ZDHHC15: variants seen among roughly 807,000 people sequenced by gnomAD.
The protein encoded by ZDHHC15 is zDHHC palmitoyltransferase 15.
Under a neutral mutation model 31.7 loss-of-function variants are expected in ZDHHC15, and 19 were observed. That is an observed-to-expected ratio of 0.60 (90% CI 0.42 to 0.88). The LOEUF (loss-of-function observed/expected upper bound fraction) is 0.88. ZDHHC15 is among the 40% of genes least tolerant of loss of function. The probability of loss-of-function intolerance (pLI) is 0.00; values close to 1 mark genes in which losing one functional copy is unlikely to be tolerated. For missense variants in ZDHHC15, 209 were observed against 251.2 expected (o/e 0.83, Z 1.14); for synonymous variants, 103 against 90.0 (o/e 1.14, Z -0.82).
chrX:75,444,686 A>ACACACG (rs1445307919), intron 4 of ZDHHC15, among the ~76,000 whole-genome samples: 6 of 84,806 alleles, frequency 7.1e-5, no homozygotes, highest in African/African-American at 3.0e-4. Flanking sequence ...ATATATATAT[A>ACACACG]TACACACACA....
intron 10 of ZDHHC15, among the ~76,000 whole-genome samples, chrX:75,386,369 A>T (rs1053874174): frequency 8.9e-6 from 1 of 112,316 alleles, no homozygotes; most frequent in African/African-American, 3.2e-5. Flanking sequence ...TGATAAAAAT[A>T]TGCCTTCTAG....
In ZDHHC15 at chrX:75,496,194, C is replaced by A. The variant is rs140564061; in HGVS notation, c.163+9627G>T. The stretch of plus-strand genomic sequence containing the variant: ...ATGCCAATGGAAACCAAAAGTGAAC[C>A]AGAGTAGCTATTCTTATATCAGACA... On this transcript the variant is annotated intron_variant, in intron 2 of 11. Coordinates refer to ENST00000373367, the MANE Select transcript of ZDHHC15 (RefSeq NM_144969.3). Among the ~76,000 whole-genome samples, 36 of 110,728 alleles carry A rather than the reference C, an allele frequency of 3.3e-4. 1 individual carries two copies. In the East Asian group the frequency reaches 9.9e-3, roughly 31 times the overall value.
chrX:75,485,496 G>GTA lies in ZDHHC15; in HGVS notation c.164-6513_164-6512dup, dbSNP rs912442284. Reference sequence around the variant, plus strand: ...GCTGCACTGTGGTTGATGTTTCCATGTATATATATATATAATCATTTTGGC... The same window carrying GTA: ...GCTGCACTGTGGTTGATGTTTCCATGTATATATATATATATAATCATTTTGGC... On this transcript the variant is annotated intron_variant, in intron 2 of 11. Transcript: ENST00000373367. 1.1e-3 allele frequency among the ~76,000 whole-genome samples: 124 copies of GTA among 108,814 alleles called. 1 individual carries two copies. The highest frequency in any genetic ancestry group is 9.4e-3 in the Middle Eastern group (2 of 212). The allele number at this position is 108,814 out of a possible 115,157, so 94.5% of individuals were successfully genotyped here. A position where few individuals can be genotyped will look rare whatever the true frequency, so the allele number is the denominator to read the frequency against.
chrX:75,516,941 T>G (rs1016702531), intron 1 of ZDHHC15, among the ~76,000 whole-genome samples: 1 of 112,097 alleles, frequency 8.9e-6, no homozygotes, highest in South Asian at 3.7e-4. Flanking sequence ...TGAACAGACA[T>G]TTCTCAAAAG....
chrX:75,451,289 C>T (rs2084113265), intron 3 of ZDHHC15, among the ~76,000 whole-genome samples: 1 of 111,737 alleles, frequency 8.9e-6, no homozygotes, highest in African/African-American at 3.2e-5. Context: ...ATGTGTAACA[C>T]ATTTTTGCCA....
chrX:75,467,239 C>A (rs1041213885), intron 3 of ZDHHC15, among the ~76,000 whole-genome samples: 7 of 112,047 alleles, frequency 6.2e-5, no homozygotes, highest in African/African-American at 2.3e-4. Context: ...TTAAAAGTAG[C>A]ACCTTGTGGT....
chrX:75,397,100 G>A (rs749555865), intron 10 of ZDHHC15, among the ~76,000 whole-genome samples: 1 of 110,572 alleles, frequency 9.0e-6, no homozygotes, highest in Non-Finnish European at 1.9e-5. Context: ...GCCAAGACGG[G>A]TGGATCACCT....
chrX:75,518,947 C>G (rs964894863), intron 1 of ZDHHC15, among the ~76,000 whole-genome samples: 3 of 106,725 alleles, frequency 2.8e-5, no homozygotes, highest in African/African-American at 1.0e-4. Context: ...AAGTCAGACA[C>G]AAAAGAACAC....
chrX:75,452,052 G>A (rs1003838706), intron 3 of ZDHHC15, among the ~76,000 whole-genome samples: 1 of 110,612 alleles, frequency 9.0e-6, no homozygotes, highest in African/African-American at 3.3e-5. Context: ...GAAAGTTAAC[G>A]GGCTAAATGC....
chrX:75,423,622 G>A (rs1295642089), intron 8 of ZDHHC15, among the ~76,000 whole-genome samples: 1 of 99,955 alleles, frequency 1.0e-5, no homozygotes, highest in East Asian at 3.1e-4. Flanking sequence ...TTGATTCCAC[G>A]GCTTTGCTAT....
chrX:75,446,556 T>C, intron 4 of ZDHHC15, among the ~76,000 whole-genome samples: 1 of 112,358 alleles, frequency 8.9e-6, no homozygotes, highest in Non-Finnish European at 1.9e-5. Context: ...TTGTATCTTG[T>C]GTGAACACTC....
chrX:75,506,672 G>A (rs1156974177), intron 1 of ZDHHC15, among the ~76,000 whole-genome samples: 4 of 112,295 alleles, frequency 3.6e-5, no homozygotes, highest in African/African-American at 1.3e-4. Flanking sequence ...AATACAAATG[G>A]AAGTGGAAAT....
rs1198893925 is a variant in ZDHHC15, at chrX:75,370,030, CA to C, written c.*2947del. On this transcript the variant is annotated 3_prime_UTR_variant, in exon 12 of 12. Coordinates refer to ENST00000373367, the MANE Select transcript of ZDHHC15 (RefSeq NM_144969.3). The stretch of plus-strand genomic sequence containing the variant: ...GTTGGAGTGAATGGAAGAACATTAA[CA>C]AAGTGCTCTAAGTCCTGCAAGAACA... 4 of 111,564 alleles carry C rather than the reference CA, an allele frequency of 3.6e-5. No homozygotes were observed. The highest frequency in any genetic ancestry group is 1.3e-4 in the African/African-American group (4 of 30,645). 9.2% of individuals were successfully genotyped at this position (111,564 alleles called of 1,213,427 possible).
intron 2 of ZDHHC15, among the ~76,000 whole-genome samples, chrX:75,479,852 T>G: frequency 8.9e-6 from 1 of 112,323 alleles, no homozygotes; most frequent in Non-Finnish European, 1.9e-5. Context: ...TCATTCTTTC[T>G]TATGGCTGAA....
At position 75,494,468 on chromosome X, in the gene ZDHHC15, T is replaced by C. The variant is rs774511901; in HGVS notation, c.163+11353A>G. Among the ~76,000 whole-genome samples, 211 of 111,554 alleles carry C rather than the reference T, an allele frequency of 1.9e-3. 2 individuals carry two copies. The highest frequency in any genetic ancestry group is 6.3e-3 in the African/African-American group (191 of 30,479). The stretch of plus-strand genomic sequence containing the variant: ...CATATGAAAGAAAAAAGAGCCCACA[T>C]TGCCAAGTCAATCCTAAGCCAAAAG... On this transcript the variant is annotated intron_variant, in intron 2 of 11. Transcript: ENST00000373367.
intron 10 of ZDHHC15, among the ~76,000 whole-genome samples, chrX:75,409,435 C>T (rs1254943238): frequency 3.3e-5 from 3 of 90,758 alleles, no homozygotes; most frequent in Admixed American, 1.5e-4. Flanking sequence ...TTTCAGTGAG[C>T]TGAGATTGTG....
At chrX:75,423,022 T>A (rs942436696) in intron 8 of ZDHHC15, among the ~76,000 whole-genome samples, 3 of 91,154 alleles carry the variant, frequency 3.3e-5, no homozygotes, top group Non-Finnish European at 4.2e-5. Flanking sequence ...GTTCTCATTT[T>A]AAAAAATAGA....
Position 75,424,653 on chromosome X carries a change from T to C in ZDHHC15, c.735A>G (p.Leu245=), listed in dbSNP as rs755848143. ...CWLVSRNKTT[L]EAFCTPVFTS... is the part of the protein sequence containing the mutation. ...CCTAATCTTAATATTCAGTCTTACC[T>C]AAGGTGGTTTTGTTTCTGCTGACAA... Residue 245 remains leucine, a splice_region_variant and synonymous_variant, in exon 8 of 12, where the codon TTA becomes TTG. Transcript: ENST00000373367. 96 of 1,200,829 alleles carry C rather than the reference T, an allele frequency of 8.0e-5. No homozygotes were observed. Among genetic ancestry groups the C allele is most frequent in the Non-Finnish European group, 1.1e-4 (95 of 891,984 alleles).
At chrX:75,492,935 G>A (rs2084923677) in intron 2 of ZDHHC15, among the ~76,000 whole-genome samples, 1 of 111,544 alleles carries the variant, frequency 9.0e-6, no homozygotes, top group Non-Finnish European at 1.9e-5. Context: ...TAAGATCAGA[G>A]CAGAACTGAA....
Sources: gnomAD v4.1 joint callset for allele counts (sites outside exome capture counted in the v4.1 genomes callset) on GRCh38, gnomAD v4.1.1 for gene constraint, MANE v1.5 for transcripts, NCBI Gene and HGNC (gene_info 2026-07-23, HGNC 2026-07-21) for gene names.